Variants in ARHGAP6 observed in about 807,000 individuals in gnomAD.
The protein encoded by ARHGAP6 is Rho GTPase activating protein 6, also known as rho GTPase-activating protein 6.
In ARHGAP6, 16 loss-of-function variants were observed where a neutral mutation model predicts 55.7. That is an observed-to-expected ratio of 0.29 (90% CI 0.19 to 0.44). ARHGAP6 has a LOEUF of 0.44. ARHGAP6 is among the 20% of genes least tolerant of loss of function. ARHGAP6 has a pLI of 1.00. For synonymous variants in ARHGAP6, 382 were observed against 360.9 expected, an observed-to-expected ratio of 1.06 and a Z score of -0.66; for missense variants, 698 against 808.9, an observed-to-expected ratio of 0.86 and a Z score of 1.66.
intron 9 of ARHGAP6, 93 bp from the exon 10 acceptor site, chrX:11,156,719 C>T (rs2045869025): frequency 1.5e-6 from 1 of 660,319 alleles, no homozygotes; most frequent in Admixed American, 3.1e-5. Flanking sequence ...CAAAACAGAG[C>T]CCTAAAAGCT....
At chrX:11,400,193 T>C (rs918961056) in intron 1 of ARHGAP6, among the ~76,000 whole-genome samples, 6 of 111,714 alleles carry the variant, frequency 5.4e-5, no homozygotes, top group Middle Eastern at 4.6e-3. Context: ...TACTAAATTG[T>C]ACACTTTTAA....
At chrX:11,584,015 G>T (rs865880431) in intron 1 of ARHGAP6, among the ~76,000 whole-genome samples, 1 of 111,477 alleles carries the variant, frequency 9.0e-6, no homozygotes, top group African/African-American at 3.3e-5. Context: ...CCTTAAATAC[G>T]GAAAAGGACT....
Position 11,664,936 on chromosome X carries a change from C to CA in ARHGAP6, c.-109_-108insT. 1.2e-6 allele frequency: 1 copy of CA among 862,701 alleles called. No individual in the cohort carries two copies. Among genetic ancestry groups the CA allele is most frequent in the Non-Finnish European group, 1.6e-6 (1 of 632,198 alleles). 71.1% of individuals were successfully genotyped at this position (862,701 alleles called of 1,213,427 possible). ...AGGCAAAGGTGCCAGGCGGGGCTGG[C>CA]CCGGGGTTTGCCCAGGGCAGTGGAG... On this transcript the variant is annotated 5_prime_UTR_variant, in exon 1 of 13. Coordinates refer to ENST00000337414, the MANE Select transcript of ARHGAP6 (RefSeq NM_013427.3).
chrX:11,657,353 T>A (rs773832105), intron 1 of ARHGAP6, among the ~76,000 whole-genome samples: 1 of 108,832 alleles, frequency 9.2e-6, no homozygotes, highest in African/African-American at 3.3e-5. Context: ...ATGTAAGAAC[T>A]CAGACACACT....
chrX:11,568,746 G>T (rs755538216), intron 1 of ARHGAP6, among the ~76,000 whole-genome samples: 1 of 92,594 alleles, frequency 1.1e-5, no homozygotes, highest in African/African-American at 4.1e-5. Context: ...GACAAAGTGA[G>T]ATACTATCTC....
At chrX:11,267,034 T>A (rs1223516715) in intron 1 of ARHGAP6, among the ~76,000 whole-genome samples, 2 of 111,628 alleles carry the variant, frequency 1.8e-5, no homozygotes, top group African/African-American at 6.5e-5. Flanking sequence ...TTACTGCACA[T>A]ACCTCCACCA....
At chrX:11,482,026 A>G (rs2050461544) in intron 1 of ARHGAP6, among the ~76,000 whole-genome samples, 1 of 112,778 alleles carries the variant, frequency 8.9e-6, no homozygotes, top group African/African-American at 3.2e-5. Context: ...CCTGGAAGCT[A>G]CAGTTGCAGG....
chrX:11,399,428 T>C (rs2049521046), intron 1 of ARHGAP6, among the ~76,000 whole-genome samples: 2 of 109,521 alleles, frequency 1.8e-5, no homozygotes, highest in South Asian at 4.0e-4. Context: ...CTAAGTAGCT[T>C]ACAGTCTAAT....
chrX:11,306,324 G>A, intron 1 of ARHGAP6, among the ~76,000 whole-genome samples: 1 of 112,380 alleles, frequency 8.9e-6, no homozygotes, highest in Admixed American at 9.4e-5. Flanking sequence ...TTCTACTTTT[G>A]TCTCCCCCTT....
chrX:11,324,041 A>C (rs1160889317), intron 1 of ARHGAP6, among the ~76,000 whole-genome samples: 1 of 111,132 alleles, frequency 9.0e-6, no homozygotes, highest in Non-Finnish European at 1.9e-5. Flanking sequence ...TAGACATCTC[A>C]ATTGGTTCAG....
chrX:11,195,659 G>C, intron 3 of ARHGAP6, among the ~76,000 whole-genome samples: 1 of 110,384 alleles, frequency 9.1e-6, no homozygotes, highest in African/African-American at 3.3e-5. Flanking sequence ...GAGCCTACTT[G>C]AGGGTGGAGG....
chrX:11,406,363 A>G (rs1216265312), intron 1 of ARHGAP6, among the ~76,000 whole-genome samples: 1 of 111,499 alleles, frequency 9.0e-6, no homozygotes, highest in African/African-American at 3.3e-5. Context: ...ATCCTCAAAT[A>G]CTTGACAGCA....
intron 1 of ARHGAP6, among the ~76,000 whole-genome samples, chrX:11,434,879 T>C (rs2049972965): frequency 8.9e-6 from 1 of 111,795 alleles, no homozygotes. Context: ...GCTTGGTACA[T>C]AAAGGTCAAG....
Position 11,344,298 on chromosome X carries a change from G to A in ARHGAP6, c.589-89591C>T, listed in dbSNP as rs548447013. On this transcript the variant is annotated intron_variant, in intron 1 of 12. Coordinates refer to ENST00000337414, the MANE Select transcript of ARHGAP6 (RefSeq NM_013427.3). The stretch of plus-strand genomic sequence containing the variant: ...GTCCCATTGTCAGATGTCCCCTTGC[G>A]GGGGCAAATAGTCCCTACTTGAGAA... Among the ~76,000 whole-genome samples, 7 of 111,448 alleles carry A rather than the reference G, an allele frequency of 6.3e-5. No homozygotes were observed. In the South Asian group the frequency reaches 2.3e-3, roughly 36 times the overall value.
chrX:11,592,406 G>A (rs2051846582), intron 1 of ARHGAP6, among the ~76,000 whole-genome samples: 1 of 111,704 alleles, frequency 9.0e-6, no homozygotes. Flanking sequence ...TTGGCTATTG[G>A]GAGTGAAAGT....
intron 1 of ARHGAP6, among the ~76,000 whole-genome samples, chrX:11,285,180 T>TTC (rs199707058): frequency 7.8e-4 from 84 of 108,041 alleles, no homozygotes; most frequent in Non-Finnish European, 1.4e-3. Flanking sequence ...TTTTTTTTTT[T>TTC]CCAAACATTT....
intron 1 of ARHGAP6, among the ~76,000 whole-genome samples, chrX:11,541,195 A>C (rs752860127): frequency 8.9e-5 from 10 of 111,860 alleles, no homozygotes; most frequent in African/African-American, 3.3e-4. Context: ...TGGTCAGGGG[A>C]AAGAGGAAGC....
At chrX:11,178,710 T>C (rs1404310678) in intron 7 of ARHGAP6, among the ~76,000 whole-genome samples, 1 of 112,432 alleles carries the variant, frequency 8.9e-6, no homozygotes, top group Admixed American at 9.4e-5. Context: ...ATAACCAAGA[T>C]ACAGCAAAGC....
chrX:11,353,307 T>C (rs145233647), intron 1 of ARHGAP6, among the ~76,000 whole-genome samples: 2,269 of 111,600 alleles, frequency 0.02, 54 homozygotes, highest in African/African-American at 0.07. Context: ...GGCTGACTAG[T>C]GTGGTGCTGT....
Sources: gnomAD v4.1 joint callset for allele counts (sites outside exome capture counted in the v4.1 genomes callset) on GRCh38, gnomAD v4.1.1 for gene constraint, MANE v1.5 for transcripts, NCBI Gene and HGNC (gene_info 2026-07-23, HGNC 2026-07-21) for gene names.